Variants in SMAD7 observed in about 807,000 individuals in gnomAD.
SMAD7 encodes the protein SMAD family member 7.
A neutral mutation model predicts 38.7 loss-of-function variants in SMAD7; 8 were observed. That is an observed-to-expected ratio of 0.21 (90% CI 0.12 to 0.37). The LOEUF is 0.37. Among genes scored for constraint, SMAD7 ranks in the 10% least tolerant of loss-of-function variants. The pLI, the probability that SMAD7 is intolerant of heterozygous loss-of-function variation, is 1.00. For synonymous variants in SMAD7, 327 were observed against 265.1 expected (o/e 1.23, Z -2.27); for missense variants, 477 against 577.9 (o/e 0.83, Z 1.79).
chr18:48,941,028 CG>C (rs1271292389), intron 3 of SMAD7, among the ~76,000 whole-genome samples: 1 of 152,052 alleles, frequency 6.6e-6, no homozygotes, highest in East Asian at 1.9e-4. Flanking sequence ...TTGGAGGGGC[CG>C]GGGCTCCTCC....
intron 3 of SMAD7, among the ~76,000 whole-genome samples, chr18:48,933,910 G>A (rs1053045822): frequency 2.0e-5 from 3 of 152,216 alleles, no homozygotes; most frequent in Non-Finnish European, 2.9e-5. Context: ...GCACGCTAAG[G>A]AAAAAGCTGG....
chr18:48,935,905 G>A (rs569313064), intron 3 of SMAD7, among the ~76,000 whole-genome samples: 8 of 151,788 alleles, frequency 5.3e-5, no homozygotes, highest in South Asian at 2.1e-4. Context: ...ATGGTGAAAC[G>A]CCCTTTCTAC....
chr18:48,938,602 T>A (rs2070098565), intron 3 of SMAD7, among the ~76,000 whole-genome samples: 3 of 151,814 alleles, frequency 2.0e-5, no homozygotes, highest in Admixed American at 6.6e-5. Context: ...AGAAGATGAG[T>A]CTGCAGCTGA....
chr18:48,936,249 G>T (rs1396591665), intron 3 of SMAD7, among the ~76,000 whole-genome samples: 1 of 152,100 alleles, frequency 6.6e-6, no homozygotes, highest in African/African-American at 2.4e-5. Context: ...GCAACTAACA[G>T]AAGTCTCTCC....
Position 48,950,142 on chromosome 18 carries a change from G to A in SMAD7, c.283C>T (p.Leu95Phe). 6.7e-7 allele frequency: 1 copy of A among 1,496,360 alleles called. No homozygotes were observed. Among genetic ancestry groups the A allele is most frequent in the Non-Finnish European group, 8.9e-7 (1 of 1,126,820 alleles). The allele number at this position is 1,496,360 out of a possible 1,614,324, so 92.7% of individuals were successfully genotyped here. ...AGTTTCTTGAGCACCGAGTGCGTGAGCGCCTTCAGATCCGCCTCGGCGCCC... is the reference window on the plus strand; with the variant it reads ...AGTTTCTTGAGCACCGAGTGCGTGAACGCCTTCAGATCCGCCTCGGCGCCC... The part of the protein sequence containing the change: ...AGGAEADLKA[L>F]THSVLKKLKE... Residue 95 changes from leucine to phenylalanine, a missense_variant, in exon 1 of 4, where the codon CTC (leucine) becomes TTC (phenylalanine). By Grantham distance (22) the Leu-to-Phe change is conservative. This residue lies in a region of SMAD7 where 376 missense variants were observed against 379.4 expected (regional missense o/e 0.99). Coordinates refer to ENST00000262158, the MANE Select transcript of SMAD7 (RefSeq NM_005904.4).
intron 1 of SMAD7, 120 bp downstream of exon 1, chr18:48,949,692 T>TCCCAGGAGGGTATGCACACTCC (rs2070238196): frequency 3.6e-6 from 4 of 1,113,200 alleles, no homozygotes; most frequent in South Asian, 1.7e-5. Context: ...ATGCACACTC[T>TCCCAGGAGGGTATGCACACTCC]CCCAGGAGGG....
At chr18:48,930,539 GGCTCCCATAAATGTGA>G (rs946141981) in intron 3 of SMAD7, among the ~76,000 whole-genome samples, 2 of 152,122 alleles carry the variant, frequency 1.3e-5, no homozygotes, top group Non-Finnish European at 2.9e-5. Context: ...CATAAACATG[GGCTCCCATAAATGTGA>G]GCTCCAATCT....
chr18:48,944,771 G>A (rs1399402559), intron 2 of SMAD7, among the ~76,000 whole-genome samples: 3 of 152,186 alleles, frequency 2.0e-5, no homozygotes, highest in Admixed American at 2.0e-4. Context: ...CTGAAGTCAG[G>A]GTCTCACCTT....
chr18:48,948,917 C>T (rs1211693722), intron 1 of SMAD7, among the ~76,000 whole-genome samples: 4 of 152,240 alleles, frequency 2.6e-5, no homozygotes, highest in African/African-American at 9.6e-5. Context: ...GCATCCCAAG[C>T]GTGCTGGGGA....
At chr18:48,931,794 C>G (rs1238670293) in intron 3 of SMAD7, among the ~76,000 whole-genome samples, 2 of 152,198 alleles carry the variant, frequency 1.3e-5, no homozygotes, top group Non-Finnish European at 2.9e-5. Context: ...CTGAGACACT[C>G]GGCCTCAACC....
At chr18:48,926,800 G>C (rs1343781755) in intron 3 of SMAD7, among the ~76,000 whole-genome samples, 1 of 152,160 alleles carries the variant, frequency 6.6e-6, no homozygotes, top group Non-Finnish European at 1.5e-5. Context: ...ACATCTCAAA[G>C]GTTAACAGCA....
At position 48,950,324 on chromosome 18, in the gene SMAD7, C is replaced by T. The variant is rs1266782603; in HGVS notation, c.101G>A (p.Gly34Glu). The change falls in exon 1 of 4, where the codon GGA (glycine) becomes GAA (glutamate). Residue 34 changes from glycine to glutamate, a missense_variant. Physicochemically the swap from Gly to Glu is moderately conservative, Grantham distance 98. This residue lies in a region of SMAD7 where 376 missense variants were observed against 379.4 expected (regional missense o/e 0.99). Coordinates refer to ENST00000262158, the MANE Select transcript of SMAD7 (RefSeq NM_005904.4). ...CGCCCCTTCTCCCCGCAGCTCGCCT[C>T]CTCCTCCACCTCCCCCTGCGCCCTC... is the stretch of plus-strand genomic sequence containing the variant. Reference protein sequence around the residue: ...EEEGAGGGGGGGELRGEGATD... With the variant: ...EEEGAGGGGGEGELRGEGATD... The T allele has an allele frequency of 4.6e-6, 7 of 1,537,992 alleles. No individual in the cohort carries two copies. Among genetic ancestry groups the T allele is most frequent in the Middle Eastern group, 1.7e-4 (1 of 5,942 alleles).
At chr18:48,930,870 G>A (rs974174977) in intron 3 of SMAD7, among the ~76,000 whole-genome samples, 6 of 152,214 alleles carry the variant, frequency 3.9e-5, no homozygotes, top group African/African-American at 1.4e-4. Context: ...GCACATCCAT[G>A]TTCACAGCAG....
intron 3 of SMAD7, among the ~76,000 whole-genome samples, chr18:48,931,608 AT>A (rs2070001665): frequency 1.3e-5 from 2 of 152,272 alleles, no homozygotes; most frequent in South Asian, 4.1e-4. Context: ...TTTGGCTTCC[AT>A]AGGGATATCT....
At chr18:48,924,215 C>A (rs890631879) in intron 3 of SMAD7, among the ~76,000 whole-genome samples, 1 of 1,984 alleles carries the variant, frequency 5.0e-4, no homozygotes, top group Non-Finnish European at 8.1e-4. Context: ...GGGAAGGAGG[C>A]GGGAGGGAGG....
rs765527532 is a variant in SMAD7 at position 48,949,935 on chromosome 18, T to G, written c.490A>C (p.Arg164=). 2 of 1,613,322 alleles carry G rather than the reference T, an allele frequency of 1.2e-6. No individual in the cohort carries two copies. Among genetic ancestry groups the G allele is most frequent in the Admixed American group, 1.7e-5 (1 of 59,986 alleles). ...GAGGAATGCCTGAGATCCGGCCACC[T>G]GAACACTTTGCACAGCAGGAGGGGG... is the stretch of plus-strand genomic sequence containing the variant. ...SLPLLLCKVF[R]WPDLRHSSEV... Residue 164 remains arginine, a synonymous_variant, in exon 1 of 4, where the codon AGG becomes CGG. Coordinates refer to ENST00000262158, the MANE Select transcript of SMAD7 (RefSeq NM_005904.4).
chr18:48,934,441 C>A (rs755817455), intron 3 of SMAD7, among the ~76,000 whole-genome samples: 58 of 132,246 alleles, frequency 4.4e-4, no homozygotes, highest in Middle Eastern at 3.7e-3. Flanking sequence ...TAAATTCTTA[C>A]GTACCCCCCA....
chr18:48,948,489 T>G (rs770651393), intron 1 of SMAD7, 52 bp from the exon 2 acceptor site: 8,253 of 784,600 alleles, frequency 0.011, no homozygotes, highest in Non-Finnish European at 0.016. Context: ...AGAAGAGAGA[T>G]AGAAACTTAT....
rs147707423 is a variant in SMAD7, at chr18:48,948,387, T to C, written c.664A>G (p.Thr222Ala). 1.2e-4 allele frequency: 188 copies of C among 1,593,706 alleles called. No individual in the cohort carries two copies. The African/African-American group carries it at 2.1e-3, about 18-fold the overall frequency. The change falls in exon 2 of 4, where the codon ACT becomes GCT. Residue 222 changes from threonine (T) to alanine (A), a missense_variant. By Grantham distance (58) the Thr-to-Ala change is moderately conservative. Coordinates refer to ENST00000262158, the MANE Select transcript of SMAD7 (RefSeq NM_005904.4). Reference sequence around the variant, plus strand: ...ATTTTAAAAATCATCTACTCACCAGTTGGTTTGAGAAAATCCATCGGGTAT... The same window carrying C: ...ATTTTAAAAATCATCTACTCACCAGCTGGTTTGAGAAAATCCATCGGGTAT... ...SRYPMDFLKP[T>A]ADCPDAVPSS...
Sources: gnomAD v4.1 joint callset for allele counts (sites outside exome capture counted in the v4.1 genomes callset) on GRCh38, gnomAD v4.1.1 for gene constraint, gnomAD v4.1.1 regional missense constraint, MANE v1.5 for transcripts, NCBI Gene and HGNC (gene_info 2026-07-23, HGNC 2026-07-21) for gene names.